TM6SF1: variants seen among roughly 807,000 people sequenced by gnomAD.
The protein encoded by TM6SF1 is transmembrane 6 superfamily member 1.
In TM6SF1, 43 loss-of-function variants were observed where a neutral mutation model predicts 47.1. That is an observed-to-expected ratio of 0.91 (90% CI 0.72 to 1.18). The LOEUF (loss-of-function observed/expected upper bound fraction) is 1.18. Among genes scored for constraint, TM6SF1 ranks in the 50% most tolerant of loss-of-function variants. TM6SF1 has a pLI of 0.00. For missense variants in TM6SF1, 390 were observed against 449.0 expected, an observed-to-expected ratio of 0.87 and a Z score of 1.19; for synonymous variants, 177 against 166.3, an observed-to-expected ratio of 1.06 and a Z score of -0.49.
intron 4 of TM6SF1, among the ~76,000 whole-genome samples, chr15:83,120,794 G>C (rs772221663): frequency 3.9e-5 from 6 of 151,914 alleles, no homozygotes; most frequent in Non-Finnish European, 8.8e-5. Flanking sequence ...TCAAACTCCT[G>C]ACCTCTGGTG....
chr15:83,107,669 G>T lies in TM6SF1; in HGVS notation c.-12G>T. 6.5e-7 allele frequency: 1 copy of T among 1,538,630 alleles called. No individual in the cohort carries two copies. The highest frequency in any genetic ancestry group is 8.7e-7 in the Non-Finnish European group (1 of 1,143,824). ...CGGGATGCGGTGAAGGGCGAGCGGC[G>T]CGGCGGCTGCGATGAGTGCCTCTGC... On this transcript the variant is annotated 5_prime_UTR_variant, in exon 1 of 10. Coordinates refer to ENST00000322019, the MANE Select transcript of TM6SF1 (RefSeq NM_023003.5). This position sits in a 1 kb window ranked among gnomAD's most constrained non-coding sequence, Gnocchi z 5.6.
intron 9 of TM6SF1, chr15:83,128,398 A>C (rs2151378170): frequency 6.6e-6 from 1 of 152,342 alleles, no homozygotes; most frequent in South Asian, 2.1e-4. Context: ...ATCCAGAAGT[A>C]ATGGTTCCTG....
At chr15:83,118,244 C>CACACACACACACACACACAT (rs2034876413) in intron 3 of TM6SF1, among the ~76,000 whole-genome samples, 1 of 86,588 alleles carries the variant, frequency 1.2e-5, no homozygotes, top group African/African-American at 5.5e-5. Context: ...CACACACACA[C>CACACACACACACACACACAT]ACACACACAC....
At chr15:83,115,665 AACACAGGTGG>A in intron 2 of TM6SF1, 170 bp from the exon 3 acceptor site, 1 of 696,226 alleles carries the variant, frequency 1.4e-6, no homozygotes, top group Non-Finnish European at 2.6e-6. Context: ...GAGAGCTGCG[AACACAGGTGG>A]AGGTCCAGCT....
chr15:83,133,736 A>T (rs999601975), intron 9 of TM6SF1: 1 of 152,278 alleles, frequency 6.6e-6, no homozygotes, highest in Non-Finnish European at 1.5e-5. Flanking sequence ...GCTGCTGGGA[A>T]CATCACCCAG....
rs759611964 is a variant in TM6SF1, at chr15:83,122,808, C to G, written c.533C>G (p.Thr178Ser). Residue 178 changes from threonine (T) to serine (S), a missense_variant, in exon 6 of 10, where the codon ACT (threonine) becomes AGT (serine). By Grantham distance (58) the Thr-to-Ser change is moderately conservative. Coordinates refer to ENST00000322019, the MANE Select transcript of TM6SF1 (RefSeq NM_023003.5). ...GCTTTTTTCTTAAGCATACCATATA[C>G]TTGTCTTCCTGTCTGGGCTGGTTTC... Reference protein sequence around the residue: ...CPAFFLSIPYTCLPVWAGFRI... With the variant: ...CPAFFLSIPYSCLPVWAGFRI... The G allele has an allele frequency of 6.2e-7, 1 of 1,613,850 alleles. No individual in the cohort carries two copies. The highest frequency in any genetic ancestry group is 1.3e-5 in the African/African-American group (1 of 74,882).
intron 6 of TM6SF1, 94 bp from the exon 7 acceptor site, chr15:83,124,578 T>A: frequency 1.0e-6 from 1 of 952,476 alleles, no homozygotes; most frequent in Non-Finnish European, 1.6e-6. Flanking sequence ...ATCTTCAAAA[T>A]TCTCTTATCC....
intron 3 of TM6SF1, 55 bp from the exon 4 acceptor site, chr15:83,119,523 G>A (rs1451337572): frequency 6.4e-7 from 1 of 1,573,048 alleles, no homozygotes; most frequent in Non-Finnish European, 8.7e-7. Flanking sequence ...CAGGTCTGAT[G>A]TTCTGCATTT....
At chr15:83,124,341 G>C (rs2035540219) in intron 6 of TM6SF1, among the ~76,000 whole-genome samples, 1 of 152,118 alleles carries the variant, frequency 6.6e-6, no homozygotes, top group African/African-American at 2.4e-5. Context: ...TACTGGAAAA[G>C]TATACCAACG....
rs919804068 is a variant in TM6SF1, at chr15:83,126,867, T to C, written c.801+20T>C. On this transcript the variant is annotated intron_variant, in intron 8 of 9. Transcript: ENST00000322019. ...ATTCAGGTCAAGTAGTTATGAAGCC[T>C]AAGATTTTTCTAAAATTAATTTTCT... 17 of 1,576,248 alleles carry C rather than the reference T, an allele frequency of 1.1e-5. No individual in the cohort carries two copies. In the East Asian group the frequency reaches 2.0e-4, roughly 19 times the overall value.
At chr15:83,116,696 C>T (rs1321942018) in intron 3 of TM6SF1, among the ~76,000 whole-genome samples, 3 of 152,066 alleles carry the variant, frequency 2.0e-5, no homozygotes, top group South Asian at 2.1e-4. Context: ...GAGGCTTCCT[C>T]GGGACCAGCA....
Position 83,126,840 on chromosome 15 carries a change from A to G in TM6SF1, c.794A>G (p.Lys265Arg). The G allele has an allele frequency of 6.2e-7, 1 of 1,611,964 alleles. No individual in the cohort carries two copies. The highest frequency in any genetic ancestry group is 8.5e-7 in the Non-Finnish European group (1 of 1,178,750). Residue 265 changes from lysine to arginine, a missense_variant, in exon 8 of 10, where the codon AAA (lysine) becomes AGA (arginine). Physicochemically the swap from Lys to Arg is conservative, Grantham distance 26. Transcript: ENST00000322019. ...PYLKDPAAYP[K>R]IQMLAYMFYS... is the part of the protein sequence containing the mutation. ...CTAAAGGATCCTGCTGCTTATCCTAAAATTCAGGTCAAGTAGTTATGAAGC... is the reference window on the plus strand; with the variant it reads ...CTAAAGGATCCTGCTGCTTATCCTAGAATTCAGGTCAAGTAGTTATGAAGC...
chr15:83,130,561 A>C (rs766756491), intron 9 of TM6SF1: 1 of 152,318 alleles, frequency 6.6e-6, no homozygotes, highest in Admixed American at 6.5e-5. Flanking sequence ...CTCCCAGCCC[A>C]GCAGGTGAAG....
At chr15:83,120,962 G>A (rs1384637032) in intron 4 of TM6SF1, among the ~76,000 whole-genome samples, 1 of 146,302 alleles carries the variant, frequency 6.8e-6, no homozygotes, top group Admixed American at 6.8e-5. Context: ...CGGGGGTGGG[G>A]CAGGACGCAC....
In TM6SF1 at chr15:83,112,471, G is replaced by T. The variant is rs533334645; in HGVS notation, c.93-326G>T. 2.6e-5 allele frequency among the ~76,000 whole-genome samples: 4 copies of T among 152,286 alleles called. No individual in the cohort carries two copies. The South Asian group carries it at 8.3e-4, about 32-fold the overall frequency. ...GGGTTAGAGGAACGTGTAAGTGGAGGCAGTGGGGCAGTGGCCATAGGTGCA... is the reference window on the plus strand; with the variant it reads ...GGGTTAGAGGAACGTGTAAGTGGAGTCAGTGGGGCAGTGGCCATAGGTGCA... On this transcript the variant is annotated intron_variant, in intron 1 of 9. Transcript: ENST00000322019.
intron 9 of TM6SF1, chr15:83,128,977 T>A (rs1191614907): frequency 6.6e-6 from 1 of 152,146 alleles, no homozygotes; most frequent in East Asian, 1.9e-4. Context: ...ACTACAGACA[T>A]ACACCACCGC....
rs376138369 is a variant in TM6SF1 at position 83,112,904 on chromosome 15, C to T, written c.196+4C>T. The T allele has an allele frequency of 7.0e-5, 113 of 1,604,420 alleles. 1 individual carries two copies. The highest frequency in any genetic ancestry group is 1.6e-4 in the Middle Eastern group (1 of 6,064). Reference sequence around the variant, plus strand: ...CCCCGGGACCCACTGTTCTATGGTACGTCTCCACAAAGGGAAATCTTTTGT... The same window carrying T: ...CCCCGGGACCCACTGTTCTATGGTATGTCTCCACAAAGGGAAATCTTTTGT... On this transcript the variant is annotated splice_donor_region_variant and intron_variant, in intron 2 of 9. Coordinates refer to ENST00000322019, the MANE Select transcript of TM6SF1 (RefSeq NM_023003.5).
In TM6SF1 at chr15:83,121,932, G is replaced by A; in HGVS notation, c.410G>A (p.Arg137Lys). ...TGTTGTTGTTACAGGGAAACTTATA[G>A]AACCATTGGCCTATATTGGGTTGGA... is the stretch of plus-strand genomic sequence containing the variant. ...VAAIAWEETY[R>K]TIGLYWVGSI... The change falls in exon 5 of 10, where the codon AGA (arginine) becomes AAA (lysine). Residue 137 changes from arginine to lysine, a missense_variant. Transcript: ENST00000322019. 6.2e-7 allele frequency: 1 copy of A among 1,606,332 alleles called. No individual in the cohort carries two copies. Among genetic ancestry groups the A allele is most frequent in the Non-Finnish European group, 8.5e-7 (1 of 1,178,200 alleles).
At chr15:83,120,161 C>T (rs959377277) in intron 4 of TM6SF1, 1 of 165,434 alleles carries the variant, frequency 6.0e-6, no homozygotes, top group Non-Finnish European at 1.3e-5. Context: ...TGTGTATGTA[C>T]AAGGGATTAA....
Sources: allele counts gnomAD v4.1 joint callset (sites outside exome capture counted in the v4.1 genomes callset), GRCh38; gene constraint gnomAD v4.1.1; non-coding constraint Gnocchi (gnomAD v3.1); transcripts MANE v1.5; gene names NCBI Gene and HGNC (gene_info 2026-07-23, HGNC 2026-07-21).